Variants in KCNRG observed in about 807,000 individuals in gnomAD.
KCNRG encodes the protein potassium channel regulatory protein.
In KCNRG, 17 loss-of-function variants were observed where a neutral mutation model predicts 17.7. The observed-to-expected ratio is 0.96, with a 90% CI of 0.66 to 1.44. The LOEUF (loss-of-function observed/expected upper bound fraction) is 1.44. Ranked by LOEUF, KCNRG falls within the 40% of genes most tolerant of loss-of-function variation. KCNRG has a pLI of 0.00. For synonymous variants in KCNRG, 97 were observed against 116.5 expected (o/e 0.83, Z 1.08); for missense variants, 311 against 321.1 (o/e 0.97, Z 0.24).
chr13:50,020,326 G>GT lies in KCNRG; in HGVS notation c.692dup (p.Ser232IlefsTer3). 6.2e-7 allele frequency: 1 copy of GT among 1,614,092 alleles called. No homozygotes were observed. The highest frequency in any genetic ancestry group is 8.5e-7 in the Non-Finnish European group (1 of 1,179,980). On this transcript the variant is annotated frameshift_variant, in exon 2 of 2. Coordinates refer to ENST00000312942, the MANE Select transcript of KCNRG (RefSeq NM_173605.2). LOFTEE classifies it high-confidence loss of function. Reference sequence around the variant, plus strand: ...CTTTCATTTGGTCAGCACTAGAACAGTATCTTCTGAAGACAAAACTGAATG... The same window carrying GT: ...CTTTCATTTGGTCAGCACTAGAACAGTTATCTTCTGAAGACAAAACTGAATG...
Position 50,020,416 on chromosome 13 carries a change from A to G in KCNRG, c.781A>G (p.Thr261Ala). ...CACGAATGAAACACCAAAACCAGAG[A>G]CTATCATCATACCAGAGCAATCTCA... ...LITNETPKPETIIIPEQSQIK... is the reference protein window; with the variant it reads ...LITNETPKPEAIIIPEQSQIK... The change falls in exon 2 of 2, where the codon ACT becomes GCT. Residue 261 changes from threonine (T) to alanine (A), a missense_variant. By Grantham distance (58) the Thr-to-Ala change is moderately conservative (BLOSUM62 0). Coordinates refer to ENST00000312942, the MANE Select transcript of KCNRG (RefSeq NM_173605.2). 1.9e-6 allele frequency: 3 copies of G among 1,614,066 alleles called. No homozygotes were observed. The highest frequency in any genetic ancestry group is 2.5e-6 in the Non-Finnish European group (3 of 1,179,908).
chr13:50,018,382 A>C (rs1262127332), intron 1 of KCNRG: 1 of 166,522 alleles, frequency 6.0e-6, no homozygotes, highest in Non-Finnish European at 1.5e-5. Flanking sequence ...TGTACAGTCA[A>C]GATCTGGCGC....
In KCNRG at chr13:50,015,485, G is replaced by C; in HGVS notation, c.-9G>C. ...CTGATGGTAGCCTCTAGTTTGAAGT[G>C]AGGGAAGAATGAGTAGTCAGGAACT... On this transcript the variant is annotated 5_prime_UTR_variant, in exon 1 of 2. The change abolishes the stop of an existing upstream ORF in the 5' untranslated region. Transcript: ENST00000312942. The C allele has an allele frequency of 6.3e-7, 1 of 1,591,624 alleles. No individual in the cohort carries two copies. The highest frequency in any genetic ancestry group is 1.1e-5 in the South Asian group (1 of 88,652).
intron 1 of KCNRG, chr13:50,018,953 T>C (rs1594600210): frequency 6.6e-6 from 1 of 152,428 alleles, no homozygotes; most frequent in Admixed American, 6.5e-5. Flanking sequence ...AATTTTTGTA[T>C]TTTTAGTAGA....
Position 50,020,754 on chromosome 13 carries a change from G to A in KCNRG, c.*300G>A. ...CTGCACACTAGCTTGGGTGACAGAG[G>A]AAGACTGTCTCAAAAAAAAAAAAAT... On this transcript the variant is annotated 3_prime_UTR_variant, in exon 2 of 2. Coordinates refer to ENST00000312942, the MANE Select transcript of KCNRG (RefSeq NM_173605.2). The A allele has an allele frequency of 3.7e-6, 1 of 268,004 alleles. No homozygotes were observed. The highest frequency in any genetic ancestry group is 7.2e-6 in the Non-Finnish European group (1 of 139,410). 16.6% of individuals were successfully genotyped at this position (268,004 alleles called of 1,614,324 possible).
Position 50,020,765 on chromosome 13 carries a change from CAAAAAA to C in KCNRG, c.*319_*324del, listed in dbSNP as rs775122748. ...CTTGGGTGACAGAGGAAGACTGTCT[CAAAAAA>C]AAAAAAATTGATCAAACTGATGGAT... On this transcript the variant is annotated 3_prime_UTR_variant, in exon 2 of 2. Transcript: ENST00000312942. The C allele has an allele frequency of 5.0e-6, 1 of 200,400 alleles. No individual in the cohort carries two copies. The allele number at this position is 200,400 out of a possible 1,614,324, so 12.4% of individuals were successfully genotyped here.
In KCNRG at chr13:50,020,512, A is replaced by C; in HGVS notation, c.*58A>C. ...ATTTTTCTTGTTTCATTACGTATTT[A>C]GGGCATACATGTTAGCCAAATCTAC... On this transcript the variant is annotated 3_prime_UTR_variant, in exon 2 of 2. Coordinates refer to ENST00000312942, the MANE Select transcript of KCNRG (RefSeq NM_173605.2). 3 of 1,557,852 alleles carry C rather than the reference A, an allele frequency of 1.9e-6. No individual in the cohort carries two copies. The highest frequency in any genetic ancestry group is 2.6e-6 in the Non-Finnish European group (3 of 1,142,028).
intron 1 of KCNRG, among the ~76,000 whole-genome samples, chr13:50,020,011 C>T (rs566586719): frequency 7.9e-4 from 118 of 149,612 alleles, no homozygotes; most frequent in African/African-American, 2.9e-3. Context: ...ACACACCAGT[C>T]TGGGTGACAG....
rs1876550578 is a variant in KCNRG, at chr13:50,016,235, A to AAACTGGG, written c.578+166_578+172dup. ...TAGAATGACCAAATAATTATTTTCC[A>AAACTGGG]AACTGGGATACTTTTTAGAGTGAAA... On this transcript the variant is annotated intron_variant, in intron 1 of 1. Coordinates refer to ENST00000312942, the MANE Select transcript of KCNRG (RefSeq NM_173605.2). 8.4e-6 allele frequency: 5 copies of AAACTGGG among 598,752 alleles called. No individual in the cohort carries two copies. In the South Asian group the frequency reaches 1.2e-4, roughly 14 times the overall value. The allele number at this position is 598,752 out of a possible 1,614,324, so 37.1% of individuals were successfully genotyped here.
At position 50,020,327 on chromosome 13, in the gene KCNRG, T is replaced by G; in HGVS notation, c.692T>G (p.Val231Gly). Residue 231 changes from valine to glycine, a missense_variant, in exon 2 of 2, where the codon GTA becomes GGA. Physicochemically the swap from Val to Gly is moderately radical, Grantham distance 109. Transcript: ENST00000312942. ...TTTCATTTGGTCAGCACTAGAACAG[T>G]ATCTTCTGAAGACAAAACTGAATGC... ...EGFHLVSTRT[V>G]SSEDKTECYS... is the part of the protein sequence containing the mutation. 6.2e-7 allele frequency: 1 copy of G among 1,614,108 alleles called. No homozygotes were observed. The highest frequency in any genetic ancestry group is 8.5e-7 in the Non-Finnish European group (1 of 1,179,966).
intron 1 of KCNRG, among the ~76,000 whole-genome samples, 156 bp from the exon 2 acceptor site, chr13:50,020,058 C>T (rs1877060414): frequency 6.7e-6 from 1 of 150,170 alleles, no homozygotes; most frequent in Non-Finnish European, 1.5e-5. Flanking sequence ...AAAAAAAAAT[C>T]ACTCATTTGG....
chr13:50,017,110 G>T lies in KCNRG; in HGVS notation c.578+1039G>T, dbSNP rs913746446. On this transcript the variant is annotated intron_variant, in intron 1 of 1. Coordinates refer to ENST00000312942, the MANE Select transcript of KCNRG (RefSeq NM_173605.2). Reference sequence around the variant, plus strand: ...TGGGAAAAGAGAGCCAGTCAAGCTAGTAGGCTGATTGTGAAGAAAATCTAA... The same window carrying T: ...TGGGAAAAGAGAGCCAGTCAAGCTATTAGGCTGATTGTGAAGAAAATCTAA... 7 of 167,016 alleles carry T rather than the reference G, an allele frequency of 4.2e-5. No individual in the cohort carries two copies. In the Admixed American group the frequency reaches 4.6e-4, roughly 11 times the overall value. The allele number at this position is 167,016 out of a possible 1,614,324, so 10.3% of individuals were successfully genotyped here. A position where few individuals can be genotyped will look rare whatever the true frequency, so the allele number is the denominator to read the frequency against.
intron 1 of KCNRG, chr13:50,018,522 G>A (rs994118827): frequency 8.2e-5 from 13 of 158,208 alleles, no homozygotes; most frequent in Admixed American, 5.9e-4. Flanking sequence ...CTTAGAATGA[G>A]TTTCTAAATG....
Position 50,020,761 on chromosome 13 carries a change from G to T in KCNRG, c.*307G>T. Reference sequence around the variant, plus strand: ...CTAGCTTGGGTGACAGAGGAAGACTGTCTCAAAAAAAAAAAAATTGATCAA... The same window carrying T: ...CTAGCTTGGGTGACAGAGGAAGACTTTCTCAAAAAAAAAAAAATTGATCAA... On this transcript the variant is annotated 3_prime_UTR_variant, in exon 2 of 2. Transcript: ENST00000312942. 4.0e-6 allele frequency: 1 copy of T among 246,980 alleles called. No individual in the cohort carries two copies. Among genetic ancestry groups the T allele is most frequent in the African/African-American group, 2.2e-5 (1 of 44,870 alleles). The allele number at this position is 246,980 out of a possible 1,614,324, so 15.3% of individuals were successfully genotyped here.
chr13:50,017,159 C>G (rs963073158), intron 1 of KCNRG: 5 of 166,974 alleles, frequency 3.0e-5, no homozygotes, highest in Non-Finnish European at 5.9e-5. Flanking sequence ...TCTCAAACCT[C>G]TGTACAACTT....
intron 1 of KCNRG, chr13:50,017,497 T>C (rs1876755832): frequency 1.2e-5 from 2 of 167,090 alleles, no homozygotes; most frequent in South Asian, 4.1e-4. Context: ...GAAAGTTTTT[T>C]CCATTTTAAA....
At chr13:50,019,792 C>G (rs1371819450) in intron 1 of KCNRG, among the ~76,000 whole-genome samples, 1 of 152,050 alleles carries the variant, frequency 6.6e-6, no homozygotes, top group East Asian at 1.9e-4. Context: ...AATCCCAGCA[C>G]TTTGGGAGGC....
chr13:50,016,194 A>G (rs1302474018), intron 1 of KCNRG, 123 bp downstream of exon 1: 1 of 729,610 alleles, frequency 1.4e-6, no homozygotes, highest in Non-Finnish European at 2.3e-6. Flanking sequence ...GTTTTGGGGT[A>G]ACCAGTGGAG....
In KCNRG at chr13:50,020,700, A is replaced by G. The variant is rs74478933; in HGVS notation, c.*246A>G. 920 of 398,318 alleles carry G rather than the reference A, an allele frequency of 2.3e-3. 6 individuals are homozygous for G. Among genetic ancestry groups the G allele is most frequent in the African/African-American group, 0.016 (781 of 50,070 alleles). The allele number at this position is 398,318 out of a possible 1,614,324, so 24.7% of individuals were successfully genotyped here. ...ATACATCTTTCCCTTTCTCTTCTTC[A>G]TGAATGCTTATGAGCCGAGATTGCG... is the stretch of plus-strand genomic sequence containing the variant. On this transcript the variant is annotated 3_prime_UTR_variant, in exon 2 of 2. Coordinates refer to ENST00000312942, the MANE Select transcript of KCNRG (RefSeq NM_173605.2).
Sources: allele counts gnomAD v4.1 joint callset (sites outside exome capture counted in the v4.1 genomes callset), GRCh38; gene constraint gnomAD v4.1.1; transcripts MANE v1.5; gene names NCBI Gene and HGNC (gene_info 2026-07-23, HGNC 2026-07-21).